Variants in SYNPR observed in about 807,000 individuals in gnomAD.
SYNPR encodes the protein synaptoporin.
Under a neutral mutation model 32.9 loss-of-function variants are expected in SYNPR, and 23 were observed. The observed-to-expected ratio is 0.70, with a 90% CI of 0.50 to 0.99. The LOEUF is 0.99. Ranked by LOEUF, SYNPR falls within the 50% of genes least tolerant of loss-of-function variation. The pLI is 0.00. For missense variants in SYNPR, 318 were observed against 349.3 expected, an observed-to-expected ratio of 0.91 and a Z score of 0.71; for synonymous variants, 146 against 135.9, an observed-to-expected ratio of 1.07 and a Z score of -0.52.
rs115872862 is a variant in SYNPR at position 63,365,455 on chromosome 3, T to C, written c.84+86713T>C. Among the ~76,000 whole-genome samples, 409 of 152,302 alleles carry C rather than the reference T, an allele frequency of 2.7e-3. 4 individuals carry two copies. The highest frequency in any genetic ancestry group is 9.1e-3 in the African/African-American group (378 of 41,550). Reference sequence around the variant, plus strand: ...CACTATTGCTATGATCTGTTTTACATTGTAGGTGTCTACATAGAGGTTCGC... The same window carrying C: ...CACTATTGCTATGATCTGTTTTACACTGTAGGTGTCTACATAGAGGTTCGC... On this transcript the variant is annotated intron_variant, in intron 2 of 5. Transcript: ENST00000478300.
At chr3:63,575,832 T>A (rs1702970490) in intron 4 of SYNPR, among the ~76,000 whole-genome samples, 1 of 152,200 alleles carries the variant, frequency 6.6e-6, no homozygotes, top group African/African-American at 2.4e-5. Context: ...TTTCCAAGCC[T>A]ACACACTTTG....
chr3:63,281,884 A>C (rs1482933142), intron 2 of SYNPR, among the ~76,000 whole-genome samples: 1 of 152,218 alleles, frequency 6.6e-6, no homozygotes, highest in East Asian at 1.9e-4. Flanking sequence ...TTATATTGCC[A>C]TCAAAAAGAA....
At chr3:63,343,345 T>C (rs371249758) in intron 2 of SYNPR, among the ~76,000 whole-genome samples, 137 of 152,320 alleles carry the variant, frequency 9.0e-4, no homozygotes, top group Non-Finnish European at 1.7e-3. Context: ...CAATGGATTC[T>C]AGGAGAGCCG....
At chr3:63,339,733 C>T (rs1417995206) in intron 2 of SYNPR, among the ~76,000 whole-genome samples, 3 of 151,816 alleles carry the variant, frequency 2.0e-5, no homozygotes, top group South Asian at 2.1e-4. Context: ...TCTCAGCTCG[C>T]GTCAACCTCC....
intron 2 of SYNPR, among the ~76,000 whole-genome samples, chr3:63,315,200 CT>C (rs146805363): frequency 0.28 from 42,979 of 151,660 alleles, 7,360 homozygotes; most frequent in Non-Finnish European, 0.39. Flanking sequence ...TTTGCTTAGT[CT>C]TGCTTTGGCT....
intron 2 of SYNPR, among the ~76,000 whole-genome samples, chr3:63,401,173 G>A (rs933191925): frequency 6.6e-6 from 1 of 152,144 alleles, no homozygotes; most frequent in Admixed American, 6.5e-5. Context: ...TACTCATAAA[G>A]GTATTAGAAG....
At chr3:63,289,532 C>G (rs2086718325) in intron 2 of SYNPR, 1 of 153,606 alleles carries the variant, frequency 6.5e-6, no homozygotes, top group African/African-American at 2.4e-5. Context: ...TTTTTAATAG[C>G]CAGCTCTCAC....
chr3:63,231,509 A>G (rs1241238690), intron 1 of SYNPR, among the ~76,000 whole-genome samples: 1 of 152,212 alleles, frequency 6.6e-6, no homozygotes, highest in Non-Finnish European at 1.5e-5. Context: ...ATATTCAACT[A>G]CTGCTTAGTG....
the SYNPR span, among the ~76,000 whole-genome samples, chr3:63,206,432 G>C: frequency 1.3e-5 from 2 of 152,076 alleles, no homozygotes; most frequent in African/African-American, 4.8e-5. Flanking sequence ...GTCCAACATG[G>C]TGCCTGTAGT....
At chr3:63,304,874 C>G (rs1433501672) in intron 2 of SYNPR, among the ~76,000 whole-genome samples, 4 of 151,922 alleles carry the variant, frequency 2.6e-5, no homozygotes, top group African/African-American at 9.7e-5. Flanking sequence ...CCCTGCAAAC[C>G]TAAAAGATTT....
chr3:63,222,590 C>T, the SYNPR span, among the ~76,000 whole-genome samples: 3 of 152,014 alleles, frequency 2.0e-5, no homozygotes, highest in East Asian at 5.8e-4. Context: ...GATCTCAGCT[C>T]ACTGCAACTT....
chr3:63,548,360 C>T (rs1702446879), intron 3 of SYNPR, among the ~76,000 whole-genome samples: 2 of 151,850 alleles, frequency 1.3e-5, no homozygotes, highest in Admixed American at 1.3e-4. Context: ...ACTTCCCTAT[C>T]TGCATAATGT....
chr3:63,247,411 C>T (rs2086300838), intron 1 of SYNPR, among the ~76,000 whole-genome samples: 1 of 151,950 alleles, frequency 6.6e-6, no homozygotes, highest in East Asian at 1.9e-4. Flanking sequence ...TTTAAAATCC[C>T]TGGGTGAAAT....
At chr3:63,294,892 GAC>G (rs998518814) in intron 2 of SYNPR, among the ~76,000 whole-genome samples, 1 of 152,040 alleles carries the variant, frequency 6.6e-6, no homozygotes, top group African/African-American at 2.4e-5. Context: ...ATGTGGCTGA[GAC>G]ACATATATGC....
intron 2 of SYNPR, among the ~76,000 whole-genome samples, chr3:63,398,595 G>C (rs1372770337): frequency 6.6e-6 from 1 of 151,878 alleles, no homozygotes; most frequent in Non-Finnish European, 1.5e-5. Flanking sequence ...GTGGGCACCT[G>C]TACTCCCAGC....
At chr3:63,257,150 T>C (rs1333329134) in intron 2 of SYNPR, among the ~76,000 whole-genome samples, 1 of 152,168 alleles carries the variant, frequency 6.6e-6, no homozygotes, top group Non-Finnish European at 1.5e-5. Context: ...CTCTGCAGGA[T>C]ATTATCCAGG....
At chr3:63,371,026 A>G (rs544222838) in intron 2 of SYNPR, among the ~76,000 whole-genome samples, 59 of 152,280 alleles carry the variant, frequency 3.9e-4, no homozygotes, top group African/African-American at 1.3e-3. Flanking sequence ...TAACTGGAAC[A>G]TTCAGGTGGA....
chr3:63,289,815 T>C lies in SYNPR; in HGVS notation c.84+11073T>C, dbSNP rs560836356. Among the ~76,000 whole-genome samples, 404 of 152,314 alleles carry C rather than the reference T, an allele frequency of 2.7e-3. 4 individuals are homozygous for C. Among genetic ancestry groups the C allele is most frequent in the African/African-American group, 9.4e-3 (392 of 41,582 alleles). Reference sequence around the variant, plus strand: ...CACATGTTTTTCATATAATTTCATGTTACTTTCAAAAGACTAATAAAAAAC... The same window carrying C: ...CACATGTTTTTCATATAATTTCATGCTACTTTCAAAAGACTAATAAAAAAC... On this transcript the variant is annotated intron_variant, in intron 2 of 5. Coordinates refer to ENST00000478300, the MANE Select transcript of SYNPR (RefSeq NM_001130003.2).
At chr3:63,206,006 C>T in the SYNPR span, among the ~76,000 whole-genome samples, 3 of 152,208 alleles carry the variant, frequency 2.0e-5, no homozygotes, top group South Asian at 2.1e-4. Context: ...TCCTCAGAAA[C>T]GATGCTGGTT....
Sources: gnomAD v4.1 joint callset for allele counts (sites outside exome capture counted in the v4.1 genomes callset) on GRCh38, gnomAD v4.1.1 for gene constraint, MANE v1.5 for transcripts, NCBI Gene and HGNC (gene_info 2026-07-23, HGNC 2026-07-21) for gene names.